The following SMIM9 variants were observed in gnomAD, a reference collection of about 807,000 sequenced individuals.
SMIM9 encodes small integral membrane protein 9, also known as chromosome X open reading frame 68.
In SMIM9, 8 loss-of-function variants were observed where a neutral mutation model predicts 7.2. The observed-to-expected ratio is 1.10, with a 90% CI of 0.65 to 1.99. The LOEUF (loss-of-function observed/expected upper bound fraction) is 1.99, where lower values mean the gene tolerates loss of function less well. Ranked by LOEUF, SMIM9 falls within the 30% of genes most tolerant of loss-of-function variation. The pLI is 0.00. For synonymous variants in SMIM9, 19 were observed against 26.4 expected (o/e 0.72, Z 0.86); for missense variants, 76 against 69.3 (o/e 1.10, Z -0.34).
intron 4 of SMIM9, among the ~76,000 whole-genome samples, chrX:154,824,368 AAAAAAAAAGAAAAAG>A: frequency 9.4e-6 from 1 of 106,855 alleles, no homozygotes; most frequent in Middle Eastern, 4.8e-3. Flanking sequence ...AAAAAAAAAA[AAAAAAAAAGAAAAAG>A]AAAAAAAAGA....
chrX:154,832,591 A>G lies in SMIM9; in HGVS notation c.-117T>C, dbSNP rs1471160047. The G allele has an allele frequency of 8.9e-6, 1 of 112,010 alleles. No individual in the cohort carries two copies. The highest frequency in any genetic ancestry group is 1.9e-5 in the Non-Finnish European group (1 of 53,191). The allele number at this position is 112,010 out of a possible 1,213,427, so 9.2% of individuals were successfully genotyped here. On this transcript the variant is annotated 5_prime_UTR_variant, in exon 2 of 5. Coordinates refer to ENST00000369529, the MANE Select transcript of SMIM9 (RefSeq NM_001162936.4). ...CCACTTACCTGAAAATGGACTTAGG[A>G]CCACGGAATTCAAAGAAACCAGTGG...
At chrX:154,828,315 A>G (rs782315896) in intron 4 of SMIM9, among the ~76,000 whole-genome samples, 17 of 111,381 alleles carry the variant, frequency 1.5e-4, no homozygotes, top group African/African-American at 5.6e-4. Flanking sequence ...CCCCAGAATA[A>G]TGATGGAACA....
intron 4 of SMIM9, among the ~76,000 whole-genome samples, chrX:154,824,214 T>A (rs111290608): frequency 1.4e-4 from 15 of 108,047 alleles, no homozygotes; most frequent in Non-Finnish European, 1.9e-4. Flanking sequence ...AAAATTAGCC[T>A]GGCGTGGTGG....
intron 2 of SMIM9, among the ~76,000 whole-genome samples, chrX:154,832,103 A>AT (rs1289695099): frequency 9.0e-6 from 1 of 111,421 alleles, no homozygotes; most frequent in Non-Finnish European, 1.9e-5. Flanking sequence ...CTCAATAAAT[A>AT]TTTTTTGAAT....
intron 1 of SMIM9, among the ~76,000 whole-genome samples, chrX:154,833,986 A>G (rs1041003625): frequency 3.0e-4 from 34 of 111,593 alleles, no homozygotes; most frequent in African/African-American, 1.0e-3. Flanking sequence ...GACCCAGCCA[A>G]CAGGCCTGAA....
At chrX:154,823,811 C>T in intron 4 of SMIM9, 29 bp from the exon 5 acceptor site, 1 of 1,148,556 alleles carries the variant, frequency 8.7e-7, no homozygotes, top group Non-Finnish European at 1.2e-6. Flanking sequence ...ATGGTGAATG[C>T]TCTGCACAGA....
intron 4 of SMIM9, among the ~76,000 whole-genome samples, chrX:154,825,836 C>T (rs2072419187): frequency 9.4e-6 from 1 of 106,376 alleles, no homozygotes; most frequent in South Asian, 4.3e-4. Flanking sequence ...AACCAAACAC[C>T]ACATGTTCTC....
chrX:154,824,313 G>A (rs782009489), intron 4 of SMIM9, among the ~76,000 whole-genome samples: 19 of 85,071 alleles, frequency 2.2e-4, no homozygotes, highest in African/African-American at 5.4e-4. Context: ...CCGAGATCAC[G>A]CCACTGCACT....
In SMIM9 at chrX:154,829,534, C is replaced by G. The variant is rs782225641; in HGVS notation, c.272+1G>C. 2.6e-6 allele frequency: 3 copies of G among 1,166,515 alleles called. No homozygotes were observed. The highest frequency in any genetic ancestry group is 3.4e-6 in the Non-Finnish European group (3 of 872,354). ...TGTCTCTTCTTCCCACAGAAGCTTA[C>G]GTGAAGCAGCAGAGGATCCCCATTA... On this transcript the variant is annotated splice_donor_variant, in intron 4 of 4. Coordinates refer to ENST00000369529, the MANE Select transcript of SMIM9 (RefSeq NM_001162936.4). LOFTEE classifies it high-confidence loss of function.
chrX:154,827,074 A>T (rs2072424831), intron 4 of SMIM9, among the ~76,000 whole-genome samples: 1 of 112,755 alleles, frequency 8.9e-6, no homozygotes, highest in Admixed American at 9.4e-5. Flanking sequence ...GCAAGGGCTT[A>T]TTGGCTTTTC....
chrX:154,824,312 C>A (rs1208401227), intron 4 of SMIM9, among the ~76,000 whole-genome samples: 1 of 95,985 alleles, frequency 1.0e-5, no homozygotes, highest in Admixed American at 1.2e-4. Flanking sequence ...GCCGAGATCA[C>A]GCCACTGCAC....
At chrX:154,824,577 G>A (rs2072412984) in intron 4 of SMIM9, among the ~76,000 whole-genome samples, 1 of 111,382 alleles carries the variant, frequency 9.0e-6, no homozygotes, top group African/African-American at 3.3e-5. Flanking sequence ...TATATCTTCT[G>A]TTATAATCTG....
intron 4 of SMIM9, among the ~76,000 whole-genome samples, chrX:154,824,142 G>A (rs2072408562): frequency 9.0e-6 from 1 of 110,502 alleles, no homozygotes. Flanking sequence ...CAGATCACGA[G>A]GTCAGGAGAT....
intron 1 of SMIM9, among the ~76,000 whole-genome samples, chrX:154,832,941 A>G (rs1296516530): frequency 8.9e-6 from 1 of 112,334 alleles, no homozygotes; most frequent in Non-Finnish European, 1.9e-5. Flanking sequence ...CATATCAGGG[A>G]AAAAGACCTT....
chrX:154,834,088 G>A (rs2072457438), intron 1 of SMIM9, among the ~76,000 whole-genome samples: 1 of 112,305 alleles, frequency 8.9e-6, no homozygotes, highest in Admixed American at 9.4e-5. Flanking sequence ...CCTGGCCCTT[G>A]AGCCAAATTC....
At chrX:154,828,693 A>T (rs2072431804) in intron 4 of SMIM9, among the ~76,000 whole-genome samples, 1 of 111,906 alleles carries the variant, frequency 8.9e-6, no homozygotes, top group Non-Finnish European at 1.9e-5. Context: ...ATTTGTCTCC[A>T]ATCAGTTCCA....
intron 2 of SMIM9, among the ~76,000 whole-genome samples, 176 bp downstream of exon 2, chrX:154,832,398 C>T (rs1464524811): frequency 8.9e-6 from 1 of 111,993 alleles, no homozygotes; most frequent in Non-Finnish European, 1.9e-5. Context: ...AATTTCAAGC[C>T]ACTAAACTAA....
intron 1 of SMIM9, among the ~76,000 whole-genome samples, chrX:154,833,647 C>T (rs1314821190): frequency 1.4e-4 from 15 of 109,721 alleles, no homozygotes; most frequent in African/African-American, 5.0e-4. Flanking sequence ...GATGGGTGCA[C>T]CCAACCACCG....
At chrX:154,824,252 G>A (rs1557270072) in intron 4 of SMIM9, among the ~76,000 whole-genome samples, 2 of 107,595 alleles carry the variant, frequency 1.9e-5, no homozygotes, top group African/African-American at 6.8e-5. Context: ...AGCTACTCGG[G>A]AGGCTGAGGC....
Sources: allele counts gnomAD v4.1 joint callset (sites outside exome capture counted in the v4.1 genomes callset), GRCh38; gene constraint gnomAD v4.1.1; transcripts MANE v1.5; gene names NCBI Gene and HGNC (gene_info 2026-07-23, HGNC 2026-07-21).